The following PAK5 variants were observed in gnomAD, a reference collection of about 807,000 sequenced individuals.
The protein encoded by PAK5 is serine/threonine-protein kinase PAK 5.
In PAK5, 16 loss-of-function variants were observed where a neutral mutation model predicts 65.9. The observed-to-expected ratio is 0.24, with a 90% confidence interval of 0.16 to 0.37. The LOEUF (loss-of-function observed/expected upper bound fraction) is 0.37, where lower values mean the gene tolerates loss of function less well. Among genes scored for constraint, PAK5 ranks in the 10% least tolerant of loss-of-function variants. The probability of loss-of-function intolerance (pLI) is 1.00; values close to 1 mark genes in which losing one functional copy is unlikely to be tolerated. For synonymous variants in PAK5, 371 were observed against 354.9 expected (o/e 1.05, Z -0.51); for missense variants, 785 against 903.9 (o/e 0.87, Z 1.69).
intron 1 of PAK5, among the ~76,000 whole-genome samples, chr20:9,729,345 T>C (rs2048310502): frequency 6.6e-6 from 1 of 152,156 alleles, no homozygotes; most frequent in Non-Finnish European, 1.5e-5. Context: ...TTTTGAAAAG[T>C]TAGGATGTCT....
At chr20:9,625,794 T>C (rs528887870) in intron 3 of PAK5, among the ~76,000 whole-genome samples, 3 of 152,338 alleles carry the variant, frequency 2.0e-5, no homozygotes, top group East Asian at 1.9e-4. Context: ...TTGCTGACAA[T>C]TTATAGGCTT....
At chr20:9,738,955 C>T (rs1465033888) in intron 1 of PAK5, among the ~76,000 whole-genome samples, 2 of 152,046 alleles carry the variant, frequency 1.3e-5, no homozygotes, top group Non-Finnish European at 2.9e-5. Context: ...CTAATGGCTA[C>T]TGTCTGGTCT....
At chr20:9,670,990 A>T (rs1323380254) in intron 2 of PAK5, among the ~76,000 whole-genome samples, 1 of 152,182 alleles carries the variant, frequency 6.6e-6, no homozygotes, top group Admixed American at 6.5e-5. Context: ...CTTTCTACAT[A>T]TGGCTAGCCA....
chr20:9,583,147 T>A (rs188660288), intron 3 of PAK5, among the ~76,000 whole-genome samples: 1 of 152,218 alleles, frequency 6.6e-6, no homozygotes, highest in Non-Finnish European at 1.5e-5. Flanking sequence ...AATAATATGT[T>A]TGTAGACTAA....
chr20:9,675,672 C>A (rs6118694), intron 2 of PAK5, among the ~76,000 whole-genome samples: 27,423 of 152,066 alleles, frequency 0.18, 2,705 homozygotes, highest in East Asian at 0.36. Context: ...TCCAAATATT[C>A]ATTTCTTCCC....
chr20:9,560,112 A>C (rs553984128), intron 6 of PAK5, among the ~76,000 whole-genome samples: 61 of 152,212 alleles, frequency 4.0e-4, no homozygotes, highest in Non-Finnish European at 8.2e-4. Context: ...CTATATCAAA[A>C]ATTACTTGAA....
At chr20:9,625,288 T>C (rs1324988433) in intron 3 of PAK5, among the ~76,000 whole-genome samples, 1 of 152,194 alleles carries the variant, frequency 6.6e-6, no homozygotes, top group Non-Finnish European at 1.5e-5. Context: ...CCGGACACCC[T>C]CTCATTTGAC....
intron 1 of PAK5, among the ~76,000 whole-genome samples, chr20:9,716,591 TA>T (rs934227415): frequency 3.9e-5 from 6 of 152,220 alleles, no homozygotes; most frequent in Non-Finnish European, 8.8e-5. Flanking sequence ...TAAGGATTCG[TA>T]CTACTTTTAA....
At position 9,624,615 on chromosome 20, in the gene PAK5, C is replaced by A. The variant is rs553299610; in HGVS notation, c.204+19510G>T. Among the ~76,000 whole-genome samples, 19 of 145,828 alleles carry A rather than the reference C, an allele frequency of 1.3e-4. No individual in the cohort carries two copies. The South Asian group carries it at 3.3e-3, about 25-fold the overall frequency. Reference sequence around the variant, plus strand: ...TAATGTGCTAGTGTTCCCATTATACCCTTGACAAGTCACAGCGATCTCAAA... The same window carrying A: ...TAATGTGCTAGTGTTCCCATTATACACTTGACAAGTCACAGCGATCTCAAA... On this transcript the variant is annotated intron_variant, in intron 3 of 9. Coordinates refer to ENST00000353224, the MANE Select transcript of PAK5 (RefSeq NM_177990.4).
chr20:9,679,267 G>A (rs568604760), intron 2 of PAK5, among the ~76,000 whole-genome samples: 49 of 152,208 alleles, frequency 3.2e-4, no homozygotes, highest in Admixed American at 2.4e-3. Context: ...CATTGACTCT[G>A]ATATCAGTAA....
intron 3 of PAK5, among the ~76,000 whole-genome samples, chr20:9,620,082 T>A (rs1464906333): frequency 6.6e-6 from 1 of 152,212 alleles, no homozygotes; most frequent in African/African-American, 2.4e-5. Context: ...GGAAGTTCTG[T>A]TGTAACAAGG....
chr20:9,814,006 C>T (rs778374880), intron 1 of PAK5, among the ~76,000 whole-genome samples: 16 of 152,122 alleles, frequency 1.1e-4, no homozygotes, highest in Non-Finnish European at 2.1e-4. Flanking sequence ...GGATGAATGT[C>T]AGAAACACCT....
intron 2 of PAK5, among the ~76,000 whole-genome samples, chr20:9,680,170 C>T (rs892506388): frequency 6.6e-6 from 1 of 152,210 alleles, no homozygotes; most frequent in African/African-American, 2.4e-5. Flanking sequence ...TCTTAGGTGT[C>T]ATGTGCCAGG....
intron 3 of PAK5, among the ~76,000 whole-genome samples, chr20:9,605,678 C>T (rs1030390696): frequency 5.9e-5 from 9 of 152,194 alleles, no homozygotes; most frequent in Middle Eastern, 6.8e-3. Flanking sequence ...CCTTTAATCC[C>T]AACACTTTGT....
intron 2 of PAK5, among the ~76,000 whole-genome samples, chr20:9,651,624 A>G (rs2047204193): frequency 6.6e-6 from 1 of 152,156 alleles, no homozygotes; most frequent in African/African-American, 2.4e-5. Flanking sequence ...AAAATGGTAA[A>G]TTTTTTGTTG....
chr20:9,829,097 C>T (rs1569104684), intron 1 of PAK5, among the ~76,000 whole-genome samples: 1 of 152,160 alleles, frequency 6.6e-6, no homozygotes, highest in Non-Finnish European at 1.5e-5. Context: ...CACAACTGGA[C>T]ATCTGTTTAA....
intron 2 of PAK5, among the ~76,000 whole-genome samples, chr20:9,707,834 C>T (rs2048027960): frequency 6.6e-6 from 1 of 152,172 alleles, no homozygotes; most frequent in South Asian, 2.1e-4. Context: ...CCCCAGCCAA[C>T]CTGTCAGCAG....
At chr20:9,590,523 G>A (rs1267890435) in intron 3 of PAK5, among the ~76,000 whole-genome samples, 1 of 151,780 alleles carries the variant, frequency 6.6e-6, no homozygotes, top group African/African-American at 2.4e-5. Context: ...TTACTCTCAG[G>A]CCCTTCACAG....
At chr20:9,764,803 G>A (rs932239687) in intron 1 of PAK5, among the ~76,000 whole-genome samples, 13 of 152,156 alleles carry the variant, frequency 8.5e-5, no homozygotes, top group Non-Finnish European at 2.9e-5. Context: ...CTGGATATAT[G>A]TTAGGGTGGA....
Sources: allele counts gnomAD v4.1 joint callset (sites outside exome capture counted in the v4.1 genomes callset), GRCh38; gene constraint gnomAD v4.1.1; transcripts MANE v1.5; gene names NCBI Gene and HGNC (gene_info 2026-07-23, HGNC 2026-07-21).